MEGF11: variants seen among roughly 807,000 people sequenced by gnomAD.
MEGF11 encodes the protein multiple epidermal growth factor-like domains protein 11.
In MEGF11, 126 loss-of-function variants were observed where a neutral mutation model predicts 146.6. The ratio of observed to expected loss-of-function variants is 0.86; its 90% CI spans 0.74 to 1.00. MEGF11 has a LOEUF of 1.00. MEGF11 is among the 50% of genes least tolerant of loss of function. The pLI is 0.00. For synonymous variants in MEGF11, 532 were observed against 583.4 expected (o/e 0.91, Z 1.27); for missense variants, 1,509 against 1,521.2 (o/e 0.99, Z 0.13).
At chr15:66,081,013 A>T (rs1395568207) in intron 5 of MEGF11, among the ~76,000 whole-genome samples, 1 of 152,196 alleles carries the variant, frequency 6.6e-6, no homozygotes, top group Non-Finnish European at 1.5e-5. Flanking sequence ...AAACAACTCG[A>T]GAGAGAGCTG....
At chr15:66,151,314 A>G (rs2089564786) in intron 1 of MEGF11, among the ~76,000 whole-genome samples, 1 of 152,098 alleles carries the variant, frequency 6.6e-6, no homozygotes, top group South Asian at 2.1e-4. Flanking sequence ...GGCACACACA[A>G]ACGATCCCTG....
At chr15:66,160,658 T>G (rs1423704715) in intron 1 of MEGF11, among the ~76,000 whole-genome samples, 1 of 115,254 alleles carries the variant, frequency 8.7e-6, no homozygotes, top group Non-Finnish European at 1.7e-5. Context: ...CTCTAGGCCC[T>G]AAGGGGACAC....
chr15:65,964,698 T>A (rs1159843085), intron 9 of MEGF11, among the ~76,000 whole-genome samples: 1 of 152,210 alleles, frequency 6.6e-6, no homozygotes, highest in Admixed American at 6.5e-5. Flanking sequence ...AGGTGAGTGA[T>A]CTGGCTCTAG....
At chr15:66,129,919 T>A (rs2088566639) in intron 1 of MEGF11, among the ~76,000 whole-genome samples, 1 of 152,194 alleles carries the variant, frequency 6.6e-6, no homozygotes, top group Non-Finnish European at 1.5e-5. Flanking sequence ...TTTAGCCAGA[T>A]TTCAAATGAA....
chr15:66,172,311 A>G (rs2090281604), intron 1 of MEGF11, among the ~76,000 whole-genome samples: 2 of 152,202 alleles, frequency 1.3e-5, no homozygotes, highest in Non-Finnish European at 2.9e-5. Context: ...AAGGCTACCT[A>G]GTCCATTGCC....
At chr15:65,919,741 C>T (rs1244878645) in intron 15 of MEGF11, among the ~76,000 whole-genome samples, 19 of 152,168 alleles carry the variant, frequency 1.2e-4, no homozygotes, top group Admixed American at 1.2e-3. Flanking sequence ...AGCGATTCTC[C>T]TGCCTTAGCC....
At position 65,909,122 on chromosome 15, in the gene MEGF11, C is replaced by T. The variant is rs1227190381; in HGVS notation, c.2910G>A (p.Gln970=). ...SYVNVLDSHF[Q]ISALEARYPP... ...GGTACCTGGCCTCCAGGGCACTGAT[C>T]TGGAAATGGGAGTCTAGTGAGAGGA... Residue 970 remains glutamine (Q), a synonymous_variant, in exon 23 of 26, where the codon CAG becomes CAA. Coordinates refer to ENST00000395614, the MANE Select transcript of MEGF11 (RefSeq NM_001385028.1). 2 of 1,534,834 alleles carry T rather than the reference C, an allele frequency of 1.3e-6. No homozygotes were observed. Among genetic ancestry groups the T allele is most frequent in the African/African-American group, 2.7e-5 (2 of 72,914 alleles).
chr15:66,085,118 CAACTCCATT>C (rs1340689587), intron 5 of MEGF11, among the ~76,000 whole-genome samples: 2 of 152,124 alleles, frequency 1.3e-5, no homozygotes, highest in African/African-American at 4.8e-5. Flanking sequence ...CCTAGGTACA[CAACTCCATT>C]AACCTGGGAA....
chr15:65,994,350 G>A (rs972971905), intron 5 of MEGF11, among the ~76,000 whole-genome samples: 2 of 152,144 alleles, frequency 1.3e-5, no homozygotes, highest in African/African-American at 4.8e-5. Flanking sequence ...GGTACTGTGG[G>A]CCACACCCCC....
chr15:66,177,713 C>T (rs1245018937), intron 1 of MEGF11, among the ~76,000 whole-genome samples: 6 of 148,914 alleles, frequency 4.0e-5, no homozygotes, highest in African/African-American at 1.2e-4. Context: ...GAGACAGGGT[C>T]TCACTTTGTC....
intron 5 of MEGF11, among the ~76,000 whole-genome samples, chr15:66,085,633 C>T (rs2140590134): frequency 6.6e-6 from 1 of 152,316 alleles, no homozygotes; most frequent in Non-Finnish European, 1.5e-5. Context: ...GGGGAGAGTA[C>T]TACATCAAGG....
In MEGF11 at chr15:66,253,713, G is replaced by T; in HGVS notation, c.-117C>A. The T allele has an allele frequency of 6.6e-6, 1 of 152,402 alleles. No individual in the cohort carries two copies. Among genetic ancestry groups the T allele is most frequent in the South Asian group, 2.1e-4 (1 of 4,836 alleles). 9.4% of individuals were successfully genotyped at this position (152,402 alleles called of 1,614,324 possible). A position where few individuals can be genotyped will look rare whatever the true frequency, so the allele number is the denominator to read the frequency against. On this transcript the variant is annotated 5_prime_UTR_variant, in exon 1 of 26. Coordinates refer to ENST00000395614, the MANE Select transcript of MEGF11 (RefSeq NM_001385028.1). Reference sequence around the variant, plus strand: ...CAGGAGCAGGGGGCCGCGAGCAGCCGGGAGCCGGGCGGCGGGCAGCGGGCA... The same window carrying T: ...CAGGAGCAGGGGGCCGCGAGCAGCCTGGAGCCGGGCGGCGGGCAGCGGGCA...
At chr15:65,950,664 C>A (rs2080372326) in intron 10 of MEGF11, among the ~76,000 whole-genome samples, 1 of 152,054 alleles carries the variant, frequency 6.6e-6, no homozygotes, top group Non-Finnish European at 1.5e-5. Flanking sequence ...CAGAGAGGTA[C>A]AATATCTTGC....
At chr15:66,139,808 A>C (rs1306079962) in intron 1 of MEGF11, among the ~76,000 whole-genome samples, 1 of 152,230 alleles carries the variant, frequency 6.6e-6, no homozygotes, top group East Asian at 1.9e-4. Flanking sequence ...GTTCCGTGGA[A>C]GAATGCCGAC....
At chr15:66,197,831 A>G (rs903425863) in intron 1 of MEGF11, among the ~76,000 whole-genome samples, 2 of 152,134 alleles carry the variant, frequency 1.3e-5, no homozygotes, top group Non-Finnish European at 2.9e-5. Flanking sequence ...ATTTCTTCCA[A>G]TAAGGACCTC....
intron 1 of MEGF11, among the ~76,000 whole-genome samples, chr15:66,179,918 G>C (rs946785028): frequency 6.6e-6 from 1 of 150,706 alleles, no homozygotes; most frequent in Non-Finnish European, 1.5e-5. Context: ...CCTGGTCCTG[G>C]CCTGTCCTCA....
At chr15:66,021,775 G>T (rs1439354375) in intron 5 of MEGF11, among the ~76,000 whole-genome samples, 2 of 152,228 alleles carry the variant, frequency 1.3e-5, no homozygotes, top group Non-Finnish European at 2.9e-5. Context: ...CTCAGGATGG[G>T]GAGGGGAGCC....
intron 1 of MEGF11, among the ~76,000 whole-genome samples, chr15:66,166,594 C>T (rs1176846573): frequency 6.6e-6 from 1 of 152,134 alleles, no homozygotes; most frequent in African/African-American, 2.4e-5. Context: ...CGTGTCCTCC[C>T]TGGCTGCATC....
intron 5 of MEGF11, among the ~76,000 whole-genome samples, chr15:66,049,143 C>G (rs1388133559): frequency 1.3e-5 from 2 of 152,192 alleles, no homozygotes; most frequent in Non-Finnish European, 2.9e-5. Context: ...GCCTTTGGAA[C>G]TGGTTAAGTA....
Sources: allele counts gnomAD v4.1 joint callset (sites outside exome capture counted in the v4.1 genomes callset), GRCh38; gene constraint gnomAD v4.1.1; transcripts MANE v1.5; gene names NCBI Gene and HGNC (gene_info 2026-07-23, HGNC 2026-07-21).